THSD4: variants seen among roughly 807,000 people sequenced by gnomAD.
The protein encoded by THSD4 is thrombospondin type 1 domain containing 4.
In THSD4, 69 loss-of-function variants were observed where a neutral mutation model predicts 119.0. The observed-to-expected ratio is 0.58, with a 90% CI of 0.48 to 0.71. The LOEUF (loss-of-function observed/expected upper bound fraction) is 0.71, where lower values mean the gene tolerates loss of function less well. Ranked by LOEUF, THSD4 falls within the 30% of genes least tolerant of loss-of-function variation. The pLI, the probability that THSD4 is intolerant of heterozygous loss-of-function variation, is 0.00. For synonymous variants in THSD4, 524 were observed against 540.4 expected, an observed-to-expected ratio of 0.97 and a Z score of 0.42; for missense variants, 1,393 against 1,391.1, an observed-to-expected ratio of 1.00 and a Z score of -0.02.
At chr15:71,717,103 C>T (rs1472976400) in intron 8 of THSD4, among the ~76,000 whole-genome samples, 1 of 152,184 alleles carries the variant, frequency 6.6e-6, no homozygotes, top group East Asian at 1.9e-4. Flanking sequence ...TTTCCTCTTC[C>T]TAGTGATGGG....
intron 7 of THSD4, among the ~76,000 whole-genome samples, chr15:71,587,765 G>T (rs1476702027): frequency 2.0e-5 from 1 of 49,378 alleles, no homozygotes. Context: ...CTAAAACTTA[G>T]AGTATAATAA....
At chr15:71,244,318 T>C (rs560709294) in intron 5 of THSD4, among the ~76,000 whole-genome samples, 1 of 152,314 alleles carries the variant, frequency 6.6e-6, no homozygotes, top group African/African-American at 2.4e-5. Flanking sequence ...TGTTAAGAGG[T>C]TAAATTTCTG....
chr15:71,133,058 T>G (rs2040518301), intron 1 of THSD4, among the ~76,000 whole-genome samples: 1 of 152,214 alleles, frequency 6.6e-6, no homozygotes, highest in South Asian at 2.1e-4. Context: ...CATGCAGAGC[T>G]CAGCCGTGGT....
chr15:71,165,230 A>G (rs2043284445), intron 3 of THSD4: 1 of 1,552,490 alleles, frequency 6.4e-7, no homozygotes, highest in East Asian at 2.2e-5. Flanking sequence ...CACCTTTGCC[A>G]TATCTTGAAA....
At position 71,593,373 on chromosome 15, in the gene THSD4, G is replaced by A. The variant is rs1340182796; in HGVS notation, c.1153-67157G>A. Among the ~76,000 whole-genome samples the A allele has an allele frequency of 2.2e-4, 2 of 8,924 alleles. 1 individual carries two copies. Among genetic ancestry groups the A allele is most frequent in the African/African-American group, 3.5e-4 (2 of 5,696 alleles). The allele number at this position is 8,924 out of a possible 152,430, so 5.9% of individuals were successfully genotyped here. ...CGGGAGGCGGAGCTTGCAGTGAGCC[G>A]AGATCCCGCCACTGCACTCCAGCCT... On this transcript the variant is annotated intron_variant, in intron 7 of 17. Coordinates refer to ENST00000261862, the MANE Select transcript of THSD4 (RefSeq NM_024817.3).
At chr15:71,635,613 T>G (rs1305062417) in intron 7 of THSD4, among the ~76,000 whole-genome samples, 1 of 152,204 alleles carries the variant, frequency 6.6e-6, no homozygotes, top group Non-Finnish European at 1.5e-5. Flanking sequence ...AACATGATCT[T>G]CTAGTTATCA....
intron 6 of THSD4, among the ~76,000 whole-genome samples, chr15:71,298,819 C>G (rs112022307): frequency 0.015 from 2,353 of 152,260 alleles, 17 homozygotes; most frequent in Middle Eastern, 0.024. Flanking sequence ...TACTCTGTTG[C>G]CCAGGCTGGT....
chr15:71,605,823 T>G (rs2050099986), intron 7 of THSD4, among the ~76,000 whole-genome samples: 3 of 152,114 alleles, frequency 2.0e-5, no homozygotes. Flanking sequence ...GATTACCAAG[T>G]GTAGACAGAG....
At chr15:71,655,861 C>T (rs552493356) in intron 7 of THSD4, among the ~76,000 whole-genome samples, 2 of 152,292 alleles carry the variant, frequency 1.3e-5, no homozygotes, top group East Asian at 1.9e-4. Context: ...AAGCCAGATT[C>T]GTTTCTGAAC....
chr15:71,411,543 G>A, intron 6 of THSD4, 144 bp from the exon 7 acceptor site: 3 of 820,680 alleles, frequency 3.7e-6, no homozygotes, highest in Non-Finnish European at 5.6e-6. Context: ...TTATTGAACT[G>A]TATAGTTGGT....
chr15:71,687,987 T>C (rs1015596951), intron 8 of THSD4, among the ~76,000 whole-genome samples: 2 of 152,244 alleles, frequency 1.3e-5, no homozygotes, highest in Non-Finnish European at 2.9e-5. Flanking sequence ...CAGTTGTGGC[T>C]TCAGTTATAA....
At chr15:71,768,085 G>A (rs1193848834) in intron 16 of THSD4, among the ~76,000 whole-genome samples, 3 of 152,142 alleles carry the variant, frequency 2.0e-5, no homozygotes, top group Non-Finnish European at 4.4e-5. Context: ...AAAGATTCAA[G>A]TGTTTATGCT....
intron 6 of THSD4, among the ~76,000 whole-genome samples, chr15:71,336,697 T>A (rs1056414232): frequency 1.3e-5 from 2 of 152,232 alleles, no homozygotes; most frequent in African/African-American, 4.8e-5. Flanking sequence ...CCTTAAAGTA[T>A]CATTTTAATT....
At chr15:71,389,649 A>G (rs1296062453) in intron 6 of THSD4, among the ~76,000 whole-genome samples, 1 of 152,020 alleles carries the variant, frequency 6.6e-6, no homozygotes, top group Non-Finnish European at 1.5e-5. Flanking sequence ...TGAGGTATAT[A>G]CAAAGTAGTG....
At chr15:71,286,589 T>C (rs1316480446) in intron 6 of THSD4, among the ~76,000 whole-genome samples, 2 of 152,236 alleles carry the variant, frequency 1.3e-5, no homozygotes, top group African/African-American at 4.8e-5. Flanking sequence ...GCTTTGCTAT[T>C]GTGAATAGTG....
intron 7 of THSD4, among the ~76,000 whole-genome samples, chr15:71,616,600 A>G (rs558088679): frequency 6.6e-6 from 1 of 152,370 alleles, no homozygotes; most frequent in South Asian, 2.1e-4. Flanking sequence ...ACTACTCACA[A>G]TGCAGAACTG....
At chr15:71,132,878 A>G (rs1210696532) in intron 1 of THSD4, among the ~76,000 whole-genome samples, 1 of 152,248 alleles carries the variant, frequency 6.6e-6, no homozygotes, top group Non-Finnish European at 1.5e-5. Flanking sequence ...TGTAGGCAGC[A>G]GAACTGAGGC....
intron 8 of THSD4, among the ~76,000 whole-genome samples, chr15:71,665,007 C>T (rs180861973): frequency 1.3e-5 from 2 of 152,238 alleles, no homozygotes; most frequent in African/African-American, 2.4e-5. Context: ...TGGGTATATA[C>T]CCAGTAAGGG....
chr15:71,347,621 G>T (rs1343765411), intron 6 of THSD4, among the ~76,000 whole-genome samples: 1 of 152,186 alleles, frequency 6.6e-6, no homozygotes, highest in Non-Finnish European at 1.5e-5. Context: ...TACAGGGGCT[G>T]CCATGGGGTT....
Sources: allele counts gnomAD v4.1 joint callset (sites outside exome capture counted in the v4.1 genomes callset), GRCh38; gene constraint gnomAD v4.1.1; transcripts MANE v1.5; gene names NCBI Gene and HGNC (gene_info 2026-07-23, HGNC 2026-07-21).